The following MVD variants were observed in gnomAD, a reference collection of about 807,000 sequenced individuals.
The protein encoded by MVD is diphosphomevalonate decarboxylase.
In MVD, 52 loss-of-function variants were observed where a neutral mutation model predicts 42.4. That is an observed-to-expected ratio of 1.23 (90% CI 0.98 to 1.55). The LOEUF is 1.55. Among genes scored for constraint, MVD ranks in the 40% most tolerant of loss-of-function variants. The pLI is 0.00. For missense variants in MVD, 663 were observed against 572.1 expected, an observed-to-expected ratio of 1.16 and a Z score of -1.62; for synonymous variants, 287 against 243.2, an observed-to-expected ratio of 1.18 and a Z score of -1.68.
chr16:88,657,646 C>T, intron 3 of MVD, 64 bp from the exon 4 acceptor site: 1 of 1,582,326 alleles, frequency 6.3e-7, no homozygotes, highest in Non-Finnish European at 8.6e-7. Context: ...TGCTCCTGCC[C>T]ACCTGCCCGG....
chr16:88,657,350 G>T, intron 4 of MVD, 86 bp downstream of exon 4: 1 of 1,510,910 alleles, frequency 6.6e-7, no homozygotes, highest in Non-Finnish European at 8.9e-7. Flanking sequence ...GCCACGCCCA[G>T]CAGTGGGCTC....
intron 1 of MVD, among the ~76,000 whole-genome samples, chr16:88,660,253 C>G (rs1171530558): frequency 2.6e-5 from 4 of 152,170 alleles, no homozygotes; most frequent in South Asian, 2.1e-4. Flanking sequence ...GCCAGCACCC[C>G]CTCCTCCACC....
At chr16:88,657,742 C>T in intron 3 of MVD, 160 bp from the exon 4 acceptor site, 1 of 1,294,598 alleles carries the variant, frequency 7.7e-7, no homozygotes, top group Non-Finnish European at 1.1e-6. Flanking sequence ...GACCCAAGCC[C>T]AGCTGGTCAT....
At chr16:88,655,176 T>C in intron 7 of MVD, 23 bp downstream of exon 7, 1 of 1,550,186 alleles carries the variant, frequency 6.5e-7, no homozygotes, top group South Asian at 1.2e-5. Context: ...GAGCGCAGCC[T>C]CTGCCCTCCC....
At chr16:88,658,092 C>T in intron 2 of MVD, 63 bp from the exon 3 acceptor site, 6 of 1,512,424 alleles carry the variant, frequency 4.0e-6, no homozygotes, top group Non-Finnish European at 5.5e-6. Context: ...AGCCAGGTAC[C>T]CCTTTCTACT....
At position 88,658,719 on chromosome 16, in the gene MVD, C is replaced by A. The variant is rs1372448845; in HGVS notation, c.72G>T (p.Trp24Cys). 6.2e-7 allele frequency: 1 copy of A among 1,611,706 alleles called. No individual in the cohort carries two copies. Reference protein sequence around the residue: ...APVNIAVIKYWGKRDEELVLP... With the variant: ...APVNIAVIKYCGKRDEELVLP... Reference sequence around the variant, plus strand: ...GAACCAGCTCTTCATCGCGCTTGCCCCCTGTAATGAACAGCCAGGGCCAGG... The same window carrying A: ...GAACCAGCTCTTCATCGCGCTTGCCACCTGTAATGAACAGCCAGGGCCAGG... Residue 24 changes from tryptophan (W) to cysteine (C), a missense_variant and splice_region_variant, in exon 2 of 10, where the codon TGG becomes TGT. Trp to Cys is a radical substitution (Grantham distance 215). Coordinates refer to ENST00000301012, the MANE Select transcript of MVD (RefSeq NM_002461.3).
chr16:88,654,206 A>C (rs764292538), intron 8 of MVD, among the ~76,000 whole-genome samples: 8 of 151,982 alleles, frequency 5.3e-5, no homozygotes, highest in Non-Finnish European at 1.2e-4. Context: ...CTGTGGCGCC[A>C]AGATGCAGCT....
chr16:88,655,944 C>A, intron 5 of MVD, 161 bp downstream of exon 5: 1 of 1,158,914 alleles, frequency 8.6e-7, no homozygotes, highest in African/African-American at 1.5e-5. Context: ...CGCATGGGAG[C>A]GGTTCCTGAG....
chr16:88,652,585 G>A lies in MVD; in HGVS notation c.1143C>T (p.Ile381=). The A allele has an allele frequency of 1.9e-6, 3 of 1,565,002 alleles. No individual in the cohort carries two copies. The highest frequency in any genetic ancestry group is 1.7e-6 in the Non-Finnish European group (2 of 1,154,722). The change falls in exon 10 of 10, where the codon ATC becomes ATT. Residue 381 remains isoleucine (I), a synonymous_variant. Coordinates refer to ENST00000301012, the MANE Select transcript of MVD (RefSeq NM_002461.3). ...GGAGGTGGGCGCAGGGGTCATCCAG[G>A]ATTTGAGGCCCTGGCCCCACCTGGG... The part of the protein sequence containing the change: ...IVTQVGPGPQ[I]LDDPCAHLLG...
In MVD at chr16:88,652,570, G is replaced by A. The variant is rs774639483; in HGVS notation, c.1158C>T (p.Cys386=). 28 of 1,570,462 alleles carry A rather than the reference G, an allele frequency of 1.8e-5. 1 individual carries two copies. Among genetic ancestry groups the A allele is most frequent in the South Asian group, 4.7e-5 (4 of 85,558 alleles). ...GPGPQILDDP[C]AHLLGPDGLP... is the part of the protein sequence containing the mutation. ...GGCCGTCAGGACCCAGGAGGTGGGC[G>A]CAGGGGTCATCCAGGATTTGAGGCC... Residue 386 remains cysteine, a synonymous_variant, in exon 10 of 10, where the codon TGC becomes TGT. Coordinates refer to ENST00000301012, the MANE Select transcript of MVD (RefSeq NM_002461.3).
chr16:88,655,697 C>G lies in MVD; in HGVS notation c.637G>C (p.Val213Leu). 5 of 1,560,456 alleles carry G rather than the reference C, an allele frequency of 3.2e-6. No homozygotes were observed. The highest frequency in any genetic ancestry group is 4.3e-6 in the Non-Finnish European group (5 of 1,152,300). Residue 213 changes from valine (V) to leucine (L), a missense_variant, in exon 6 of 10, where the codon GTG becomes CTG. By Grantham distance (32) the Val-to-Leu change is conservative (BLOSUM62 1). Transcript: ENST00000301012. ...GTCTCCACACTGGCCCGCATGCCCA[C>G]GGTACTGCCTGTCAGCTTCTTCTCA... ...SAEKKLTGST[V>L]GMRASVETSP...
At chr16:88,661,991 G>A (rs1908331393) in intron 1 of MVD, 1 of 151,526 alleles carries the variant, frequency 6.6e-6, no homozygotes, top group Admixed American at 6.6e-5. Context: ...TAGAAAGAGA[G>A]AGAGAGACAG....
chr16:88,662,897 C>G, intron 1 of MVD, 114 bp downstream of exon 1: 1 of 1,497,760 alleles, frequency 6.7e-7, no homozygotes. Context: ...GTTTCCCCGT[C>G]TGTCGAGGCC....
chr16:88,659,099 C>T lies in MVD; in HGVS notation c.71-379G>A, dbSNP rs1908128385. The T allele has an allele frequency of 3.3e-5, 9 of 276,690 alleles. No individual in the cohort carries two copies. The South Asian group carries it at 3.6e-4, about 11-fold the overall frequency. 17.1% of individuals were successfully genotyped at this position (276,690 alleles called of 1,614,324 possible). A position where few individuals can be genotyped will look rare whatever the true frequency, so the allele number is the denominator to read the frequency against. Reference sequence around the variant, plus strand: ...CTCACATCTCACTGCTCATATGCCCCAGGAACATCCAGGATAAACCCCTTT... The same window carrying T: ...CTCACATCTCACTGCTCATATGCCCTAGGAACATCCAGGATAAACCCCTTT... On this transcript the variant is annotated intron_variant, in intron 1 of 9. Transcript: ENST00000301012.
chr16:88,655,739 G>C lies in MVD; in HGVS notation c.604-9C>G. 1 of 1,553,442 alleles carries C rather than the reference G, an allele frequency of 6.4e-7. No individual in the cohort carries two copies. Among genetic ancestry groups the C allele is most frequent in the Non-Finnish European group, 8.7e-7 (1 of 1,148,964 alleles). On this transcript the variant is annotated splice_polypyrimidine_tract_variant and intron_variant, in intron 5 of 9. Transcript: ENST00000301012. ...TTCTTCTCAGCGCTCACCTGCACGA[G>C]GGAGAGACAGCCTGGGCCACACCCT...
At chr16:88,655,860 CCA>C (rs1383720300) in intron 5 of MVD, 130 bp from the exon 6 acceptor site, 6 of 1,199,152 alleles carry the variant, frequency 5.0e-6, no homozygotes, top group Non-Finnish European at 7.0e-6. Context: ...ACCTGCCTGA[CCA>C]CAGAGGCCTC....
rs755118219 is a variant in MVD, at chr16:88,657,500, T to C, written c.339A>G (p.Ala113=). The change falls in exon 4 of 10, where the codon GCA becomes GCG. Residue 113 remains alanine, a synonymous_variant. Transcript: ENST00000301012. ...CAGCCGTGGGGAAGTTGTTCACCGA[T>C]GCCACGTGCACCTTGCAGCTGAGGC... ...PSSLSCKVHV[A]SVNNFPTAAG... is the part of the protein sequence containing the mutation. 2 of 1,612,774 alleles carry C rather than the reference T, an allele frequency of 1.2e-6. No homozygotes were observed. The highest frequency in any genetic ancestry group is 1.7e-6 in the Non-Finnish European group (2 of 1,179,928).
intron 1 of MVD, chr16:88,660,775 A>C (rs1459916846): frequency 1.3e-5 from 2 of 151,350 alleles, no homozygotes; most frequent in African/African-American, 4.8e-5. Context: ...TGGGAGGCTG[A>C]GGTGGGCAGA....
At chr16:88,661,869 T>C (rs550188979) in intron 1 of MVD, among the ~76,000 whole-genome samples, 4 of 148,814 alleles carry the variant, frequency 2.7e-5, no homozygotes, top group Non-Finnish European at 5.9e-5. Context: ...ATATATAATA[T>C]ATATATGTAT....
Sources: gnomAD v4.1 joint callset for allele counts (sites outside exome capture counted in the v4.1 genomes callset) on GRCh38, gnomAD v4.1.1 for gene constraint, MANE v1.5 for transcripts, NCBI Gene and HGNC (gene_info 2026-07-23, HGNC 2026-07-21) for gene names.